Variants in HTR4 observed in about 807,000 individuals in gnomAD.
The protein encoded by HTR4 is 5-hydroxytryptamine (serotonin) receptor 4, G protein-coupled.
A neutral mutation model predicts 36.8 loss-of-function variants in HTR4; 16 were observed. The observed-to-expected ratio is 0.43, with a 90% CI of 0.29 to 0.66. The LOEUF (loss-of-function observed/expected upper bound fraction) is 0.66, where lower values mean the gene tolerates loss of function less well. Among genes scored for constraint, HTR4 ranks in the 30% least tolerant of loss-of-function variants. The probability of loss-of-function intolerance (pLI) is 0.13; values close to 1 mark genes in which losing one functional copy is unlikely to be tolerated. For missense variants in HTR4, 438 were observed against 490.9 expected (o/e 0.89, Z 1.02); for synonymous variants, 189 against 185.1 (o/e 1.02, Z -0.17).
chr5:148,570,907 T>A (rs1181830326), intron 2 of HTR4, among the ~76,000 whole-genome samples: 1 of 152,026 alleles, frequency 6.6e-6, no homozygotes, highest in Non-Finnish European at 1.5e-5. Flanking sequence ...CTTGTATCGA[T>A]ACCAGTCAAC....
chr5:148,581,130 C>A (rs2127245148), intron 2 of HTR4, among the ~76,000 whole-genome samples: 1 of 151,560 alleles, frequency 6.6e-6, no homozygotes, highest in South Asian at 2.1e-4. Flanking sequence ...TTTTGTTTGT[C>A]ATTTGTATGT....
chr5:148,564,770 T>G (rs554280708), intron 2 of HTR4, among the ~76,000 whole-genome samples: 11 of 152,302 alleles, frequency 7.2e-5, no homozygotes, highest in African/African-American at 2.2e-4. Context: ...AATAATACTT[T>G]TAAGTCTATT....
intron 4 of HTR4, among the ~76,000 whole-genome samples, chr5:148,530,558 C>T (rs190667582): frequency 1.3e-5 from 2 of 152,316 alleles, no homozygotes; most frequent in African/African-American, 4.8e-5. Context: ...GATGCCCAGG[C>T]AGAAGTTTGC....
chr5:148,592,576 CA>C (rs1761616840), intron 2 of HTR4, among the ~76,000 whole-genome samples: 1 of 152,052 alleles, frequency 6.6e-6, no homozygotes, highest in Non-Finnish European at 1.5e-5. Context: ...TCTTTGATAT[CA>C]TGCAGCTTCA....
chr5:148,644,422 GTTTTTTTTTTTT>G (rs1175588280), intron 1 of HTR4, among the ~76,000 whole-genome samples: 5 of 40,618 alleles, frequency 1.2e-4, no homozygotes, highest in Middle Eastern at 0.036. Context: ...AAGCTCACAA[GTTTTTTTTTTTT>G]TTTTTTTTTT....
intron 4 of HTR4, among the ~76,000 whole-genome samples, chr5:148,526,494 G>A (rs1453446327): frequency 1.3e-5 from 2 of 152,046 alleles, no homozygotes; most frequent in African/African-American, 2.4e-5. Context: ...ATGTTGCCAA[G>A]TAAAGAGCAG....
At chr5:148,613,396 A>G (rs1467597668) in intron 2 of HTR4, among the ~76,000 whole-genome samples, 1 of 151,466 alleles carries the variant, frequency 6.6e-6, no homozygotes, top group Non-Finnish European at 1.5e-5. Context: ...TAATAAATGT[A>G]ATCCAGCATA....
chr5:148,569,469 T>TAAC (rs1235644926), intron 2 of HTR4, among the ~76,000 whole-genome samples: 1 of 152,156 alleles, frequency 6.6e-6, no homozygotes, highest in African/African-American at 2.4e-5. Context: ...TTTACCTATG[T>TAAC]AACAAATCTG....
downstream of HTR4, chr5:148,476,486 A>T: frequency 1.0e-6 from 1 of 1,004,524 alleles, no homozygotes; most frequent in South Asian, 3.7e-5. Context: ...TGTCACAGAA[A>T]GAGTTTTCTC....
At position 148,461,636 on chromosome 5, in the gene HTR4, G is replaced by A. The variant is rs1755280290; in HGVS notation, c.1077-10364C>T. 2.0e-5 allele frequency among the ~76,000 whole-genome samples: 3 copies of A among 152,066 alleles called. No individual in the cohort carries two copies. In the South Asian group the frequency reaches 6.2e-4, roughly 32 times the overall value. On this transcript the variant is annotated intron_variant, in intron 5 of 5. Coordinates refer to the HTR4 transcript ENST00000521530. ...ATACAGGAGGCAAAAACTAAGAAGT[G>A]CAAGGAGAAATAGATAAATTCACGA...
intron 2 of HTR4, among the ~76,000 whole-genome samples, chr5:148,581,033 T>A (rs990213110): frequency 1.5e-4 from 22 of 147,608 alleles, no homozygotes; most frequent in Non-Finnish European, 3.0e-4. Flanking sequence ...TTTTTTTTTT[T>A]AATAATAGCC....
At position 148,654,324 on chromosome 5, in the gene HTR4, C is replaced by T; in HGVS notation, c.-310G>A. On this transcript the variant is annotated 5_prime_UTR_variant, in exon 1 of 7. Transcript: ENST00000377888. ...GCATCGTCCTTCTCCCCAACCGAGC[C>T]GGACTCCACGGGCTCAACAGCCCCC... The T allele has an allele frequency of 3.0e-6, 3 of 984,866 alleles. No homozygotes were observed. The highest frequency in any genetic ancestry group is 3.6e-6 in the Non-Finnish European group (3 of 829,432). 61.0% of individuals were successfully genotyped at this position (984,866 alleles called of 1,614,324 possible).
chr5:148,636,672 T>G (rs1046112416), intron 2 of HTR4, among the ~76,000 whole-genome samples: 2 of 152,214 alleles, frequency 1.3e-5, no homozygotes, highest in Non-Finnish European at 2.9e-5. Context: ...ATAGATATTC[T>G]TAAGCTATTT....
At chr5:148,576,110 C>CAAAAAAAAAAAAAAAAAAAAAAA (rs781780161) in intron 2 of HTR4, among the ~76,000 whole-genome samples, 4 of 32,710 alleles carry the variant, frequency 1.2e-4, no homozygotes, top group Non-Finnish European at 1.6e-4. Context: ...GACTCCGTCT[C>CAAAAAAAAAAAAAAAAAAAAAAA]AAAAAAAAAA....
At chr5:148,464,805 T>C (rs1701369853) in intron 5 of HTR4, among the ~76,000 whole-genome samples, 1 of 152,176 alleles carries the variant, frequency 6.6e-6, no homozygotes, top group African/African-American at 2.4e-5. Flanking sequence ...TTATTTGTAA[T>C]TGCTAAAACT....
chr5:148,551,237 G>A (rs973201991), intron 2 of HTR4, among the ~76,000 whole-genome samples: 1 of 152,186 alleles, frequency 6.6e-6, no homozygotes, highest in Non-Finnish European at 1.5e-5. Context: ...TTACAGGTAG[G>A]TTCTCCCAGA....
At chr5:148,535,106 C>A (rs1346387203) in intron 4 of HTR4, among the ~76,000 whole-genome samples, 1 of 152,186 alleles carries the variant, frequency 6.6e-6, no homozygotes, top group African/African-American at 2.4e-5. Context: ...CACCTCGAAG[C>A]TTAAGCATCA....
intron 4 of HTR4, among the ~76,000 whole-genome samples, chr5:148,531,291 TG>T (rs1201340674): frequency 3.3e-5 from 5 of 152,146 alleles, no homozygotes; most frequent in Admixed American, 2.6e-4. Context: ...CCATGTGTTG[TG>T]GGAGAAACCC....
At chr5:148,618,120 G>T (rs1419183701) in intron 2 of HTR4, among the ~76,000 whole-genome samples, 1 of 152,158 alleles carries the variant, frequency 6.6e-6, no homozygotes, top group African/African-American at 2.4e-5. Context: ...AGTCCCAGGA[G>T]TCACTCTGAT....
Sources: allele counts gnomAD v4.1 joint callset (sites outside exome capture counted in the v4.1 genomes callset), GRCh38; gene constraint gnomAD v4.1.1; transcripts MANE v1.5; gene names NCBI Gene and HGNC (gene_info 2026-07-23, HGNC 2026-07-21).